AHRR: variants seen among roughly 807,000 people sequenced by gnomAD.
The protein encoded by AHRR is ahR repressor.
AHRR carries 28 observed loss-of-function variants against 44.0 expected under a neutral mutation model. That is an observed-to-expected ratio of 0.64 (90% CI 0.47 to 0.87). AHRR has a LOEUF of 0.87. Ranked by LOEUF, AHRR falls within the 40% of genes least tolerant of loss-of-function variation. The pLI is 0.00. For synonymous variants in AHRR, 434 were observed against 407.0 expected, an observed-to-expected ratio of 1.07 and a Z score of -0.80; for missense variants, 990 against 953.9, an observed-to-expected ratio of 1.04 and a Z score of -0.50.
At chr5:333,961 C>T (rs1742028528) in intron 1 of AHRR, among the ~76,000 whole-genome samples, 2 of 152,128 alleles carry the variant, frequency 1.3e-5, no homozygotes, top group African/African-American at 4.8e-5. Flanking sequence ...CTTTATTTCT[C>T]CTTCATTTAT....
intron 4 of AHRR, among the ~76,000 whole-genome samples, chr5:400,404 T>C (rs564381708): frequency 1.3e-5 from 2 of 152,286 alleles, no homozygotes; most frequent in East Asian, 1.9e-4. Context: ...CCGACCTCCG[T>C]TGTCCTTGCG....
intron 2 of AHRR, among the ~76,000 whole-genome samples, chr5:352,874 G>T (rs912884748): frequency 2.6e-5 from 4 of 151,298 alleles, no homozygotes; most frequent in African/African-American, 9.7e-5. Flanking sequence ...AGCTGTAGGG[G>T]ATGGTCACTG....
At position 411,940 on chromosome 5, in the gene AHRR, G is replaced by A. The variant is rs941609309; in HGVS notation, c.352-1404G>A. The stretch of plus-strand genomic sequence containing the variant: ...ACCTGGTAGCCTGTGCTTGCTCAGC[G>A]TCAGTGGCCATTGCTGCCATGGACA... On this transcript the variant is annotated intron_variant, in intron 4 of 10. Coordinates refer to ENST00000684583, the MANE Select transcript of AHRR (RefSeq NM_001377236.1). This position sits in a 1 kb window ranked among gnomAD's most constrained non-coding sequence, Gnocchi z 4.2. Among the ~76,000 whole-genome samples the A allele has an allele frequency of 5.3e-5, 8 of 152,232 alleles. No homozygotes were observed. The highest frequency in any genetic ancestry group is 1.7e-4 in the African/African-American group (7 of 41,454).
intron 4 of AHRR, among the ~76,000 whole-genome samples, chr5:394,755 G>C (rs971140387): frequency 6.6e-6 from 1 of 152,218 alleles, no homozygotes; most frequent in Non-Finnish European, 1.5e-5. Flanking sequence ...GTGTGGGGCC[G>C]GACAGGGCTG....
At chr5:376,813 C>T in intron 4 of AHRR, 97 bp downstream of exon 4, 1 of 1,106,080 alleles carries the variant, frequency 9.0e-7, no homozygotes, top group Non-Finnish European at 1.3e-6. Context: ...CATGTTCAGG[C>T]CCTCACCCAG....
At chr5:401,308 T>G (rs1400645366) in intron 4 of AHRR, among the ~76,000 whole-genome samples, 3 of 152,196 alleles carry the variant, frequency 2.0e-5, no homozygotes, top group Non-Finnish European at 4.4e-5. Context: ...CAGACACAGC[T>G]GCTGGCCCCT....
rs1735482865 is a variant in AHRR, at chr5:411,952, T to G, written c.352-1392T>G. Among the ~76,000 whole-genome samples the G allele has an allele frequency of 6.6e-6, 1 of 152,210 alleles. No individual in the cohort carries two copies. The highest frequency in any genetic ancestry group is 1.5e-5 in the Non-Finnish European group (1 of 68,034). On this transcript the variant is annotated intron_variant, in intron 4 of 10. Transcript: ENST00000684583. The surrounding 1 kb of genome is among the most constrained non-coding windows in gnomAD (Gnocchi z 4.2). ...GTGCTTGCTCAGCGTCAGTGGCCAT[T>G]GCTGCCATGGACAGATCCTGCGACT... is the stretch of plus-strand genomic sequence containing the variant.
intron 4 of AHRR, among the ~76,000 whole-genome samples, chr5:393,230 C>G (rs1486919746): frequency 6.6e-6 from 1 of 152,188 alleles, no homozygotes; most frequent in Non-Finnish European, 1.5e-5. Flanking sequence ...CCGGCACAGA[C>G]GCGTCCTCCG....
chr5:381,607 C>G (rs1313684759), intron 4 of AHRR, among the ~76,000 whole-genome samples: 3 of 145,764 alleles, frequency 2.1e-5, no homozygotes. Flanking sequence ...TCTCTGCCTC[C>G]CGGGATCAAG....
Position 432,813 on chromosome 5 carries a change from C to G in AHRR, c.978C>G (p.Ser326Arg), listed in dbSNP as rs1356184833. ...HGKPNYSAGR[S>R]SRESGVLVLR... ...CCCTCTAAACCCCAACAGGAAGGAG[C>G]AGCAGAGAGAGCGGCGTTTTGGTGC... Residue 326 changes from serine to arginine, a missense_variant, in exon 10 of 11, where the codon AGC becomes AGG. By Grantham distance (110) the Ser-to-Arg change is moderately radical. Coordinates refer to ENST00000684583, the MANE Select transcript of AHRR (RefSeq NM_001377236.1). The G allele has an allele frequency of 6.2e-7, 1 of 1,613,744 alleles. No homozygotes were observed. The highest frequency in any genetic ancestry group is 1.7e-5 in the Admixed American group (1 of 59,990).
intron 3 of AHRR, among the ~76,000 whole-genome samples, chr5:359,770 G>T (rs1743110021): frequency 6.6e-6 from 1 of 152,170 alleles, no homozygotes; most frequent in Non-Finnish European, 1.5e-5. Context: ...GGCTGAACGG[G>T]CACATCCGCT....
chr5:365,850 A>T (rs1743343100), intron 3 of AHRR, among the ~76,000 whole-genome samples: 1 of 152,224 alleles, frequency 6.6e-6, no homozygotes, highest in African/African-American at 2.4e-5. Flanking sequence ...CCATTAAAGA[A>T]ATTGATTTGT....
intron 1 of AHRR, among the ~76,000 whole-genome samples, chr5:340,642 C>A (rs886494231): frequency 8.6e-6 from 1 of 116,462 alleles, no homozygotes; most frequent in African/African-American, 3.4e-5. Context: ...TTTGGGTGGA[C>A]GCAATTATGT....
At chr5:345,612 G>A in intron 2 of AHRR, among the ~76,000 whole-genome samples, 1 of 151,726 alleles carries the variant, frequency 6.6e-6, no homozygotes, top group Non-Finnish European at 1.5e-5. Context: ...GTGTGTGGGT[G>A]TGTGTGTCGG....
Position 422,867 on chromosome 5 carries a change from CT to C in AHRR, c.571+10del, listed in dbSNP as rs1405406813. 6.2e-7 allele frequency: 1 copy of C among 1,607,466 alleles called. No homozygotes were observed. Among genetic ancestry groups the C allele is most frequent in the Admixed American group, 1.7e-5 (1 of 59,136 alleles). On this transcript the variant is annotated intron_variant, in intron 6 of 10. Transcript: ENST00000684583. ...CCCGCCCTTGGAGACAGGTGGGTGTCTGGGGTCCAAGTGAGTCAGCAAAACC... is the reference window on the plus strand; with the variant it reads ...CCCGCCCTTGGAGACAGGTGGGTGTCGGGGTCCAAGTGAGTCAGCAAAACC...
At chr5:343,684 G>C (rs934897301) in intron 1 of AHRR, 5 of 528,756 alleles carry the variant, frequency 9.5e-6, no homozygotes, top group African/African-American at 8.2e-5. Flanking sequence ...AGGCCCAGGC[G>C]TGACCCGGCC....
At chr5:378,332 G>A (rs1340507228) in intron 4 of AHRR, among the ~76,000 whole-genome samples, 1 of 152,260 alleles carries the variant, frequency 6.6e-6, no homozygotes, top group Non-Finnish European at 1.5e-5. Flanking sequence ...GAGTGCTGTG[G>A]CCATGGTCTG....
chr5:422,618 T>C lies in AHRR; in HGVS notation c.442-111T>C, dbSNP rs988757811. The C allele has an allele frequency of 2.5e-5, 36 of 1,431,710 alleles. 1 individual carries two copies. In the South Asian group the frequency reaches 2.9e-4, roughly 12 times the overall value. The allele number at this position is 1,431,710 out of a possible 1,614,324, so 88.7% of individuals were successfully genotyped here. ...TTCGGTGGGATTCTCTCCCTGTGGC[T>C]GTGACTTGCTTTGACAAGTGGAGTG... On this transcript the variant is annotated intron_variant, in intron 5 of 10. Coordinates refer to ENST00000684583, the MANE Select transcript of AHRR (RefSeq NM_001377236.1).
At position 434,680 on chromosome 5, in the gene AHRR, G is replaced by T; in HGVS notation, c.1940G>T (p.Arg647Ile). The T allele has an allele frequency of 6.4e-7, 1 of 1,569,798 alleles. No homozygotes were observed. The highest frequency in any genetic ancestry group is 8.6e-7 in the Non-Finnish European group (1 of 1,157,276). Residue 647 changes from arginine (R) to isoleucine (I), a missense_variant, in exon 11 of 11, where the codon AGA becomes ATA. Coordinates refer to ENST00000684583, the MANE Select transcript of AHRR (RefSeq NM_001377236.1). ...CGAGGTGAACAGTCCTGCACCTGCAGAGCTGCTGAGGCCGCCCCTGTGGTC... is the reference window on the plus strand; with the variant it reads ...CGAGGTGAACAGTCCTGCACCTGCATAGCTGCTGAGGCCGCCCCTGTGGTC... ...RGRGEQSCTC[R>I]AAEAAPVVKR...
Sources: gnomAD v4.1 joint callset for allele counts (sites outside exome capture counted in the v4.1 genomes callset) on GRCh38, gnomAD v4.1.1 for gene constraint, Gnocchi (gnomAD v3.1) non-coding constraint, MANE v1.5 for transcripts, NCBI Gene and HGNC (gene_info 2026-07-23, HGNC 2026-07-21) for gene names.